TRPM3: variants seen among roughly 807,000 people sequenced by gnomAD.
The protein encoded by TRPM3 is transient receptor potential cation channel subfamily M member 3, also known as long transient receptor potential channel 3.
A neutral mutation model predicts 181.2 loss-of-function variants in TRPM3; 77 were observed. That is an observed-to-expected ratio of 0.42 (90% confidence interval 0.35 to 0.51). The LOEUF is 0.51. Ranked by LOEUF, TRPM3 falls within the 20% of genes least tolerant of loss-of-function variation. The pLI is 0.01. For synonymous variants in TRPM3, 745 were observed against 796.4 expected, an observed-to-expected ratio of 0.94 and a Z score of 1.09; for missense variants, 1,759 against 2,196.7, an observed-to-expected ratio of 0.80 and a Z score of 3.98.
intron 22 of TRPM3, among the ~76,000 whole-genome samples, chr9:70,578,735 A>G (rs2054740886): frequency 6.6e-6 from 1 of 152,224 alleles, no homozygotes; most frequent in Non-Finnish European, 1.5e-5. Context: ...TTACAAGTTG[A>G]GGCAACTACA....
intron 1 of TRPM3, among the ~76,000 whole-genome samples, chr9:71,409,312 G>A (rs2093497190): frequency 6.6e-6 from 1 of 152,078 alleles, no homozygotes; most frequent in African/African-American, 2.4e-5. Flanking sequence ...ACACAGACTG[G>A]CAAATTGGAT....
At chr9:71,270,671 C>T (rs2083722008) in intron 1 of TRPM3, among the ~76,000 whole-genome samples, 1 of 152,114 alleles carries the variant, frequency 6.6e-6, no homozygotes. Flanking sequence ...TTCCTAATAC[C>T]TTTACTCCTG....
rs138968854 is a variant in TRPM3, at chr9:70,640,718, A to T, written c.1346-58T>A. 2.0e-4 allele frequency: 273 copies of T among 1,369,792 alleles called. No homozygotes were observed. The East Asian group carries it at 5.9e-3, about 30-fold the overall frequency. 84.9% of individuals were successfully genotyped at this position (1,369,792 alleles called of 1,614,324 possible). ...AGAGAGAAAACGACGATCAGTTATT[A>T]CACCAAGAGCGCCTGCTCCATCCCT... On this transcript the variant is annotated intron_variant, in intron 9 of 25. Coordinates refer to ENST00000677713, the MANE Select transcript of TRPM3 (RefSeq NM_001366145.2).
At chr9:71,007,039 C>CAAAA (rs59442017) in intron 1 of TRPM3, among the ~76,000 whole-genome samples, 147 of 27,974 alleles carry the variant, frequency 5.3e-3, no homozygotes, top group Non-Finnish European at 6.2e-3. Flanking sequence ...AACTCCATCT[C>CAAAA]AAAAAAAAAA....
chr9:70,977,119 T>G (rs188644161), intron 1 of TRPM3, among the ~76,000 whole-genome samples: 27 of 152,262 alleles, frequency 1.8e-4, no homozygotes, highest in African/African-American at 6.3e-4. Context: ...GGTGCATCAG[T>G]CTGAACTGTT....
chr9:70,920,293 G>A (rs1205384951), intron 1 of TRPM3, among the ~76,000 whole-genome samples: 1 of 152,186 alleles, frequency 6.6e-6, no homozygotes, highest in Non-Finnish European at 1.5e-5. Context: ...TCCTCACAAT[G>A]TCTGTGTGCC....
At chr9:71,068,259 G>A (rs1028171443) in intron 1 of TRPM3, among the ~76,000 whole-genome samples, 1 of 152,066 alleles carries the variant, frequency 6.6e-6, no homozygotes, top group Non-Finnish European at 1.5e-5. Context: ...TTCAATTCTT[G>A]GTACACTCAG....
At chr9:70,851,162 A>C (rs1207591305) in intron 3 of TRPM3, among the ~76,000 whole-genome samples, 1 of 152,146 alleles carries the variant, frequency 6.6e-6, no homozygotes, top group East Asian at 1.9e-4. Flanking sequence ...GTCTCCAAAA[A>C]ACAGAAAAGA....
intron 17 of TRPM3, among the ~76,000 whole-genome samples, chr9:70,616,994 T>G (rs1169773390): frequency 6.6e-6 from 1 of 152,172 alleles, no homozygotes; most frequent in African/African-American, 2.4e-5. Context: ...ATGAACCTCC[T>G]TAAAGAAACT....
chr9:71,281,829 A>G (rs990310718), intron 1 of TRPM3, among the ~76,000 whole-genome samples: 72 of 152,294 alleles, frequency 4.7e-4, no homozygotes, highest in African/African-American at 1.6e-3. Context: ...TGGGAGGCCA[A>G]GGTGGGCAGA....
chr9:71,012,636 CT>C (rs2097755363), intron 1 of TRPM3, among the ~76,000 whole-genome samples: 1 of 151,766 alleles, frequency 6.6e-6, no homozygotes, highest in Admixed American at 6.6e-5. Context: ...TAAAGTTTTC[CT>C]CATACAGAGC....
intron 1 of TRPM3, among the ~76,000 whole-genome samples, chr9:70,931,654 A>G (rs2096776223): frequency 6.6e-6 from 1 of 152,162 alleles, no homozygotes; most frequent in Non-Finnish European, 1.5e-5. Context: ...GAAAGAAAAA[A>G]TTGGTCTCTG....
At chr9:70,866,200 A>G (rs532498448) in intron 1 of TRPM3, among the ~76,000 whole-genome samples, 23 of 152,196 alleles carry the variant, frequency 1.5e-4, no homozygotes, top group African/African-American at 5.3e-4. Context: ...AATGCTCTTC[A>G]CTGGACATTT....
rs147673289 is a variant in TRPM3 at position 70,781,977 on chromosome 9, A to G, written c.1148+2128T>C. Among the ~76,000 whole-genome samples the G allele has an allele frequency of 7.8e-3, 1,180 of 152,078 alleles. 13 individuals are homozygous for G. Among genetic ancestry groups the G allele is most frequent in the African/African-American group, 0.027 (1,114 of 41,540 alleles). On this transcript the variant is annotated intron_variant, in intron 7 of 25. Transcript: ENST00000677713. ...GCTGAGGTGAACAGTGTACTTTTCC[A>G]TGAGTTTTCTGAAAAAACAAACAAA...
chr9:71,147,320 G>A (rs2075466692), intron 1 of TRPM3, among the ~76,000 whole-genome samples: 1 of 151,940 alleles, frequency 6.6e-6, no homozygotes, highest in African/African-American at 2.4e-5. Context: ...CCTAAACCCA[G>A]ATAGAAAAAT....
At chr9:70,620,543 G>C (rs1270006164) in intron 15 of TRPM3, among the ~76,000 whole-genome samples, 178 bp from the exon 16 acceptor site, 1 of 152,154 alleles carries the variant, frequency 6.6e-6, no homozygotes, top group African/African-American at 2.4e-5. Flanking sequence ...AACAAGTGAT[G>C]ATAAATGCAT....
Position 70,532,218 on chromosome 9 carries a change from C to T in TRPM3, c.*3735G>A, listed in dbSNP as rs1214002722. ...AGCCCAAACATTCAGGAAGATTAGA[C>T]TGTACAGACTCAGAAAGTAAAAAAG... On this transcript the variant is annotated 3_prime_UTR_variant, in exon 26 of 26. Transcript: ENST00000677713. 2.0e-5 allele frequency: 3 copies of T among 152,136 alleles called. No homozygotes were observed. The highest frequency in any genetic ancestry group is 7.2e-5 in the African/African-American group (3 of 41,416). The allele number at this position is 152,136 out of a possible 1,614,324, so 9.4% of individuals were successfully genotyped here.
chr9:70,742,889 T>TC lies in TRPM3; in HGVS notation c.1272+18711_1272+18712insG, dbSNP rs138897296. On this transcript the variant is annotated intron_variant, in intron 8 of 25. Transcript: ENST00000677713. ...CAAGTTCCATTCCTGGGCTTCCCTG[T>TC]ATTGCTCAGTGGAACTATCATTCTT... 6.5e-3 allele frequency among the ~76,000 whole-genome samples: 991 copies of TC among 152,346 alleles called. 16 individuals carry two copies. Among genetic ancestry groups the TC allele is most frequent in the African/African-American group, 0.023 (947 of 41,590 alleles).
chr9:70,750,210 T>A (rs1008526316), intron 8 of TRPM3, among the ~76,000 whole-genome samples: 1 of 152,120 alleles, frequency 6.6e-6, no homozygotes. Flanking sequence ...CATGTGATCA[T>A]GGAAGTGGAA....
Sources: gnomAD v4.1 joint callset for allele counts (sites outside exome capture counted in the v4.1 genomes callset) on GRCh38, gnomAD v4.1.1 for gene constraint, MANE v1.5 for transcripts, NCBI Gene and HGNC (gene_info 2026-07-23, HGNC 2026-07-21) for gene names.